The following UNC13C variants were observed in gnomAD, a reference collection of about 807,000 sequenced individuals.
UNC13C encodes the protein protein unc-13 homolog C.
In UNC13C, 174 loss-of-function variants were observed where a neutral mutation model predicts 245.4. The ratio of observed to expected loss-of-function variants is 0.71; its 90% CI spans 0.63 to 0.80. The LOEUF (loss-of-function observed/expected upper bound fraction) is 0.80. Ranked by LOEUF, UNC13C falls within the 30% of genes least tolerant of loss-of-function variation. The probability of loss-of-function intolerance (pLI) is 0.00; values close to 1 mark genes in which losing one functional copy is unlikely to be tolerated. For synonymous variants in UNC13C, 992 were observed against 895.1 expected, an observed-to-expected ratio of 1.11 and a Z score of -1.93; for missense variants, 2,829 against 2,602.9, an observed-to-expected ratio of 1.09 and a Z score of -1.89.
chr15:54,624,240 A>G (rs1000089699), intron 32 of UNC13C, among the ~76,000 whole-genome samples: 1 of 152,184 alleles, frequency 6.6e-6, no homozygotes, highest in African/African-American at 2.4e-5. Context: ...AATATTTGTC[A>G]TATGGCATTA....
rs868707843 is a variant in UNC13C, at chr15:54,618,569, T to A, written c.6107-3758T>A. The stretch of plus-strand genomic sequence containing the variant: ...ATAACTAGTCAATTGAGATATCCTG[T>A]GTTCAAAGTGCTTTGGTTCAATTTC... On this transcript the variant is annotated intron_variant, in intron 30 of 32. Coordinates refer to ENST00000260323, the MANE Select transcript of UNC13C (RefSeq NM_001080534.3). 1.7e-4 allele frequency among the ~76,000 whole-genome samples: 9 copies of A among 52,454 alleles called. No homozygotes were observed. In the African/African-American group the frequency reaches 2.2e-3, roughly 13 times the overall value. The allele number at this position is 52,454 out of a possible 152,430, so 34.4% of individuals were successfully genotyped here.
At chr15:53,914,908 A>T in the UNC13C span, among the ~76,000 whole-genome samples, 3 of 152,114 alleles carry the variant, frequency 2.0e-5, no homozygotes, top group African/African-American at 7.2e-5. Context: ...CATATATATT[A>T]TGTATATACT....
At chr15:54,110,272 C>T (rs28412156) in intron 2 of UNC13C, among the ~76,000 whole-genome samples, 11 of 79,142 alleles carry the variant, frequency 1.4e-4, no homozygotes, top group South Asian at 7.0e-4. Flanking sequence ...CAGAGTGAGA[C>T]GCTGCCTCAA....
intron 31 of UNC13C, 42 bp downstream of exon 31, chr15:54,622,461 T>G (rs1351740795): frequency 3.5e-6 from 5 of 1,441,050 alleles, no homozygotes; most frequent in Non-Finnish European, 4.9e-6. Flanking sequence ...CCTTCTAAAC[T>G]TCTGCAGCAG....
the UNC13C span, among the ~76,000 whole-genome samples, chr15:53,846,394 A>T: frequency 6.6e-6 from 1 of 152,180 alleles, no homozygotes; most frequent in South Asian, 2.1e-4. Flanking sequence ...GTCTGCATGC[A>T]CTTTACATCG....
At chr15:54,099,207 A>C (rs1900037717) in intron 2 of UNC13C, among the ~76,000 whole-genome samples, 1 of 152,240 alleles carries the variant, frequency 6.6e-6, no homozygotes, top group Non-Finnish European at 1.5e-5. Flanking sequence ...TCTGTGCCTA[A>C]GAGTGACAGA....
intron 24 of UNC13C, among the ~76,000 whole-genome samples, chr15:54,518,018 G>T (rs531747): frequency 1.3e-5 from 2 of 151,964 alleles, no homozygotes; most frequent in South Asian, 4.1e-4. Context: ...ATAATAAGGA[G>T]AATTGAATAT....
intron 19 of UNC13C, among the ~76,000 whole-genome samples, chr15:54,483,366 G>T (rs552992583): frequency 6.6e-6 from 1 of 152,084 alleles, no homozygotes; most frequent in South Asian, 2.1e-4. Flanking sequence ...TGAGAGTAGG[G>T]GTCAGGAATC....
At chr15:53,847,622 T>G in the UNC13C span, among the ~76,000 whole-genome samples, 1 of 151,542 alleles carries the variant, frequency 6.6e-6, no homozygotes, top group Non-Finnish European at 1.5e-5. Flanking sequence ...CACCTCGGCC[T>G]CCCAAAGTGC....
Position 54,418,624 on chromosome 15 carries a change from A to G in UNC13C, c.4933+3557A>G, listed in dbSNP as rs559012404. ...CCCTTCCAAAAGATCTGAAATCACA[A>G]TAAGGAAATAAACACATTATAATTA... On this transcript the variant is annotated intron_variant, in intron 19 of 32. Transcript: ENST00000260323. Among the ~76,000 whole-genome samples, 19 of 152,288 alleles carry G rather than the reference A, an allele frequency of 1.2e-4. No individual in the cohort carries two copies. In the South Asian group the frequency reaches 3.5e-3, roughly 28 times the overall value.
intron 10 of UNC13C, among the ~76,000 whole-genome samples, chr15:54,289,444 G>T (rs1050559003): frequency 2.6e-5 from 4 of 152,082 alleles, no homozygotes; most frequent in African/African-American, 9.7e-5. Context: ...AGCCCGAGGT[G>T]ATTAAATCTT....
intron 2 of UNC13C, among the ~76,000 whole-genome samples, chr15:54,070,152 C>G (rs1389377475): frequency 2.6e-5 from 4 of 152,214 alleles, no homozygotes; most frequent in Non-Finnish European, 2.9e-5. Flanking sequence ...ATCCAAGTAA[C>G]ACAGACTTTG....
At chr15:54,567,552 T>C (rs1009293069) in intron 29 of UNC13C, among the ~76,000 whole-genome samples, 1 of 152,180 alleles carries the variant, frequency 6.6e-6, no homozygotes, top group African/African-American at 2.4e-5. Flanking sequence ...GTTTAAAATC[T>C]TGCATAAGAG....
chr15:54,057,471 G>A (rs926090099), intron 2 of UNC13C, among the ~76,000 whole-genome samples: 38 of 151,332 alleles, frequency 2.5e-4, no homozygotes, highest in African/African-American at 8.5e-4. Context: ...CAAGTCCTGA[G>A]TGACCTACAA....
intron 30 of UNC13C, among the ~76,000 whole-genome samples, chr15:54,587,752 C>G (rs1898568041): frequency 2.0e-5 from 3 of 152,170 alleles, no homozygotes; most frequent in Non-Finnish European, 4.4e-5. Context: ...CTCTGATTCT[C>G]TACCTTGTGC....
intron 1 of UNC13C, among the ~76,000 whole-genome samples, chr15:54,001,302 A>G (rs1037879131): frequency 6.6e-6 from 1 of 152,192 alleles, no homozygotes; most frequent in Non-Finnish European, 1.5e-5. Context: ...GTTTGTATGC[A>G]TTGGAGAAGG....
At chr15:54,269,049 T>TTTTTGTTTTATTTTATTTTATTTTA (rs1555441243) in intron 10 of UNC13C, among the ~76,000 whole-genome samples, 1 of 151,070 alleles carries the variant, frequency 6.6e-6, no homozygotes, top group African/African-American at 2.4e-5. Context: ...TTTTTTTAAT[T>TTTTTGTTTTATTTTATTTTATTTTA]TTTTATTTTA....
rs558024363 is a variant in UNC13C at position 54,428,955 on chromosome 15, C to T, written c.4933+13888C>T. Among the ~76,000 whole-genome samples, 142 of 151,806 alleles carry T rather than the reference C, an allele frequency of 9.4e-4. 1 individual carries two copies. The highest frequency in any genetic ancestry group is 3.5e-3 in the Admixed American group (53 of 15,198). ...ATGCTTCTCTCTCTTCCCCCCAGCC[C>T]CCAATCGGGTCCCGTATTTCCCATA... On this transcript the variant is annotated intron_variant, in intron 19 of 32. Transcript: ENST00000260323.
intron 4 of UNC13C, among the ~76,000 whole-genome samples, chr15:54,186,260 A>T (rs2033979868): frequency 6.6e-6 from 1 of 152,068 alleles, no homozygotes; most frequent in African/African-American, 2.4e-5. Flanking sequence ...AATGCCCTTT[A>T]TTTCTTCTCC....
Sources: gnomAD v4.1 joint callset for allele counts (sites outside exome capture counted in the v4.1 genomes callset) on GRCh38, gnomAD v4.1.1 for gene constraint, MANE v1.5 for transcripts, NCBI Gene and HGNC (gene_info 2026-07-23, HGNC 2026-07-21) for gene names.